Variants in NEO1 observed in about 807,000 individuals in gnomAD.
The protein encoded by NEO1 is neogenin 1.
NEO1 carries 63 observed loss-of-function variants against 159.7 expected under a neutral mutation model. The ratio of observed to expected loss-of-function variants is 0.39; its 90% CI spans 0.32 to 0.49. The LOEUF (loss-of-function observed/expected upper bound fraction) is 0.49, where lower values mean the gene tolerates loss of function less well. Among genes scored for constraint, NEO1 ranks in the 20% least tolerant of loss-of-function variants. The probability of loss-of-function intolerance (pLI) is 0.85; values close to 1 mark genes in which losing one functional copy is unlikely to be tolerated. For missense variants in NEO1, 1,615 were observed against 1,831.0 expected, an observed-to-expected ratio of 0.88 and a Z score of 2.15; for synonymous variants, 633 against 662.0, an observed-to-expected ratio of 0.96 and a Z score of 0.67.
chr15:73,152,457 A>G (rs1442777551), intron 5 of NEO1, among the ~76,000 whole-genome samples: 1 of 152,196 alleles, frequency 6.6e-6, no homozygotes, highest in Admixed American at 6.5e-5. Context: ...CCCAGGGAGG[A>G]CATGGAAGCT....
chr15:73,113,139 C>T (rs2071097432), intron 1 of NEO1, among the ~76,000 whole-genome samples: 1 of 150,718 alleles, frequency 6.6e-6, no homozygotes. Flanking sequence ...AAGTGGAGTC[C>T]CTTTACTTTG....
In NEO1 at chr15:73,278,199, G is replaced by A. The variant is rs2041506331; in HGVS notation, c.3262G>A (p.Gly1088Ser). The change falls in exon 22 of 29, where the codon GGC becomes AGC. Residue 1088 changes from glycine (G) to serine (S), a missense_variant and splice_region_variant. Around this residue, in one of 3 missense-constraint regions of NEO1, gnomAD observed 471 missense variants for 498.9 expected, o/e 0.94. Transcript: ENST00000261908. ...ATCCGACTACAAACCTCCAATGAGCGGTAAAGCCTTTCCCATGGCGTTTTT... is the reference window on the plus strand; with the variant it reads ...ATCCGACTACAAACCTCCAATGAGCAGTAAAGCCTTTCCCATGGCGTTTTT... ...LGSDYKPPMS[G>S]SNSPHGSPTS... 4.3e-6 allele frequency: 7 copies of A among 1,610,954 alleles called. No individual in the cohort carries two copies. Among genetic ancestry groups the A allele is most frequent in the Non-Finnish European group, 5.9e-6 (7 of 1,177,556 alleles).
intron 20 of NEO1, among the ~76,000 whole-genome samples, chr15:73,274,439 C>G (rs2041311547): frequency 6.6e-6 from 1 of 152,076 alleles, no homozygotes; most frequent in Non-Finnish European, 1.5e-5. Flanking sequence ...AAATAAAACC[C>G]TAGATAAGAA....
intron 1 of NEO1, among the ~76,000 whole-genome samples, chr15:73,100,024 AT>A (rs946009063): frequency 6.6e-6 from 1 of 152,122 alleles, no homozygotes; most frequent in Non-Finnish European, 1.5e-5. Context: ...CTTCCTCTCC[AT>A]TCCAAATCTA....
rs1454617574 is a variant in NEO1 at position 73,303,703 on chromosome 15, G to A, written c.*1007G>A. The A allele has an allele frequency of 6.6e-6, 1 of 152,208 alleles. No homozygotes were observed. The highest frequency in any genetic ancestry group is 1.5e-5 in the Non-Finnish European group (1 of 68,064). The allele number at this position is 152,208 out of a possible 1,614,324, so 9.4% of individuals were successfully genotyped here. On this transcript the variant is annotated 3_prime_UTR_variant, in exon 29 of 29. Coordinates refer to ENST00000261908, the MANE Select transcript of NEO1 (RefSeq NM_002499.4). ...CTTCTGTGCAATAGATGGGTTTGAG[G>A]ATTTAGCGGCCCTGATGTCTTGGTC...
At chr15:73,169,374 C>T (rs1382055411) in intron 5 of NEO1, among the ~76,000 whole-genome samples, 2 of 152,106 alleles carry the variant, frequency 1.3e-5, no homozygotes, top group African/African-American at 4.8e-5. Context: ...CATTACAACA[C>T]TTATTTTCTT....
intron 24 of NEO1, 58 bp downstream of exon 24, chr15:73,288,609 C>T: frequency 1.7e-6 from 2 of 1,177,364 alleles, no homozygotes; most frequent in Non-Finnish European, 2.4e-6. Context: ...TCATTTAAAT[C>T]TTTTTTTTTT....
intron 1 of NEO1, among the ~76,000 whole-genome samples, chr15:73,068,231 C>CCCCCCCCCCCCCCCCG (rs55919404): frequency 1.5e-4 from 18 of 120,550 alleles, no homozygotes; most frequent in Admixed American, 2.8e-4. Flanking sequence ...CTACCCCCCC[C>CCCCCCCCCCCCCCCCG]CCTTTTTTTT....
At chr15:73,215,729 T>G (rs965015113) in intron 7 of NEO1, among the ~76,000 whole-genome samples, 1 of 152,168 alleles carries the variant, frequency 6.6e-6, no homozygotes, top group Non-Finnish European at 1.5e-5. Flanking sequence ...TCAAGGATAT[T>G]GGTCTGTAGT....
intron 21 of NEO1, among the ~76,000 whole-genome samples, chr15:73,277,069 C>T (rs2041456975): frequency 6.6e-6 from 1 of 152,078 alleles, no homozygotes; most frequent in African/African-American, 2.4e-5. Flanking sequence ...CCCTGTGTTA[C>T]AATGAGAAAA....
chr15:73,106,222 T>A (rs2151541683), intron 1 of NEO1, among the ~76,000 whole-genome samples: 1 of 152,244 alleles, frequency 6.6e-6, no homozygotes, highest in Non-Finnish European at 1.5e-5. Context: ...TTTTACCTTT[T>A]CCAGAAATAA....
chr15:73,077,133 T>C (rs2068807133), intron 1 of NEO1, among the ~76,000 whole-genome samples: 1 of 152,154 alleles, frequency 6.6e-6, no homozygotes, highest in Non-Finnish European at 1.5e-5. Flanking sequence ...AACCTCTGCC[T>C]CTCAGGTTCT....
intron 1 of NEO1, among the ~76,000 whole-genome samples, chr15:73,053,315 G>C (rs547447757): frequency 1.3e-5 from 2 of 152,114 alleles, no homozygotes; most frequent in African/African-American, 4.8e-5. Context: ...CTCGCGCGGG[G>C]ATTGGAGCCC....
intron 1 of NEO1, among the ~76,000 whole-genome samples, chr15:73,115,091 A>G (rs977534996): frequency 3.3e-5 from 5 of 151,932 alleles, no homozygotes; most frequent in African/African-American, 9.7e-5. Flanking sequence ...TTGCCAGGCT[A>G]TAGTGCAATG....
chr15:73,168,062 A>G (rs2034695396), intron 5 of NEO1, among the ~76,000 whole-genome samples: 1 of 152,138 alleles, frequency 6.6e-6, no homozygotes, highest in South Asian at 2.1e-4. Flanking sequence ...AATTCTACTA[A>G]TATGCATTGA....
chr15:73,290,461 G>A (rs558487008), intron 25 of NEO1, among the ~76,000 whole-genome samples: 1 of 151,850 alleles, frequency 6.6e-6, no homozygotes, highest in Non-Finnish European at 1.5e-5. Context: ...TCAAACTCCT[G>A]ACCTCAGATG....
intron 4 of NEO1, among the ~76,000 whole-genome samples, chr15:73,129,421 A>G (rs1012591134): frequency 5.3e-5 from 8 of 152,204 alleles, no homozygotes; most frequent in Non-Finnish European, 2.9e-5. Context: ...GATCTTAAAT[A>G]ACTAAACATC....
chr15:73,289,932 A>G (rs2042096198), intron 25 of NEO1, among the ~76,000 whole-genome samples: 1 of 152,116 alleles, frequency 6.6e-6, no homozygotes, highest in South Asian at 2.1e-4. Context: ...CCTGGGTGAC[A>G]GAGTGAGACT....
chr15:73,264,271 A>G (rs932852927), intron 15 of NEO1, among the ~76,000 whole-genome samples: 3 of 152,216 alleles, frequency 2.0e-5, no homozygotes, highest in Non-Finnish European at 4.4e-5. Context: ...CCTTTGCAGT[A>G]TTGACAGGAC....
Sources: gnomAD v4.1 joint callset for allele counts (sites outside exome capture counted in the v4.1 genomes callset) on GRCh38, gnomAD v4.1.1 for gene constraint, gnomAD v4.1.1 regional missense constraint, MANE v1.5 for transcripts, NCBI Gene and HGNC (gene_info 2026-07-23, HGNC 2026-07-21) for gene names.